Variants in KCTD1 observed in about 807,000 individuals in gnomAD.
KCTD1 encodes potassium channel tetramerization domain containing 1.
A neutral mutation model predicts 66.0 loss-of-function variants in KCTD1; 24 were observed. The observed-to-expected ratio is 0.36, with a 90% CI of 0.26 to 0.51. The LOEUF (loss-of-function observed/expected upper bound fraction) is 0.51, where lower values mean the gene tolerates loss of function less well. Ranked by LOEUF, KCTD1 falls within the 20% of genes least tolerant of loss-of-function variation. KCTD1 has a pLI of 0.95. For synonymous variants in KCTD1, 511 were observed against 517.2 expected (o/e 0.99, Z 0.16); for missense variants, 943 against 1,205.2 (o/e 0.78, Z 3.22).
rs1020988224 is a variant in KCTD1, at chr18:26,587,995, G to A, written c.-16+41152C>T. ...AAATTTAGTGACAAAGCAGCAGCAG[G>A]GTATGAGACAACTGACACCAATTTT... On this transcript the variant is annotated intron_variant, in intron 1 of 4. Coordinates refer to the KCTD1 transcript ENST00000317932. Among the ~76,000 whole-genome samples the A allele has an allele frequency of 7.2e-5, 11 of 152,314 alleles. No homozygotes were observed. The South Asian group carries it at 1.5e-3, about 20-fold the overall frequency.
chr18:26,480,036 T>C (rs1012089199), intron 2 of KCTD1, among the ~76,000 whole-genome samples: 24 of 118,138 alleles, frequency 2.0e-4, no homozygotes, highest in Middle Eastern at 4.9e-3. Flanking sequence ...TGGCTGGTTT[T>C]GGAATTTTTT....
intron 1 of KCTD1, among the ~76,000 whole-genome samples, chr18:26,570,307 T>C (rs1325587228): frequency 6.6e-6 from 1 of 151,736 alleles, no homozygotes; most frequent in Non-Finnish European, 1.5e-5. Flanking sequence ...CATTGGGGGA[T>C]TGTATAACTC....
At chr18:26,657,463 G>C, upstream of KCTD1, 1 of 875,136 alleles carries the variant, frequency 1.1e-6, no homozygotes, top group Non-Finnish European at 1.4e-6. Context: ...CGCCACACCA[G>C]AGAGAAATGC....
At chr18:26,548,997 C>T (rs1185393532), upstream of KCTD1, 7 of 985,218 alleles carry the variant, frequency 7.1e-6, no homozygotes, top group Admixed American at 3.1e-4. Flanking sequence ...GTGCCCCTTC[C>T]ACTGCCCCCT....
chr18:26,576,098 A>T (rs1986219311), intron 1 of KCTD1, among the ~76,000 whole-genome samples: 1 of 152,194 alleles, frequency 6.6e-6, no homozygotes, highest in Non-Finnish European at 1.5e-5. Flanking sequence ...ACACTGCTCC[A>T]TCCGCTTCAG....
chr18:26,547,691 T>C lies in KCTD1; in HGVS notation c.846A>G (p.Gln282=). The part of the protein sequence containing the change: ...EQGAGPVVQK[Q]AITRADLRKL... ...TGCGCAGGTCGGCGCGCGTGATGGC[T>C]TGCTTCTGCACCACCGGCCCGGCGC... is the stretch of plus-strand genomic sequence containing the variant. The change falls in exon 1 of 5, where the codon CAA becomes CAG. Residue 282 remains glutamine (Q), a synonymous_variant. Transcript: ENST00000580059. The C allele has an allele frequency of 6.4e-7, 1 of 1,550,906 alleles. No homozygotes were observed. The highest frequency in any genetic ancestry group is 1.4e-5 in the African/African-American group (1 of 73,174).
intron 1 of KCTD1, among the ~76,000 whole-genome samples, chr18:26,613,540 T>C (rs180861007): frequency 6.6e-6 from 1 of 152,322 alleles, no homozygotes; most frequent in Admixed American, 6.5e-5. Flanking sequence ...GAATCACATT[T>C]TTTGGTTTCA....
chr18:26,559,954 G>A (rs1372669468), intron 1 of KCTD1, among the ~76,000 whole-genome samples: 10 of 152,110 alleles, frequency 6.6e-5, no homozygotes, highest in Admixed American at 5.2e-4. Context: ...ACAAGTTCTC[G>A]GATTTGCATT....
Position 26,540,478 on chromosome 18 carries a change from G to GT in KCTD1, c.1809+6249dup, listed in dbSNP as rs1051127199. ...TGTGCGGGTTCACTTATATGCGAGTGTTTTTCAATGAAAGTCACACCAAGT... is the reference window on the plus strand; with the variant it reads ...TGTGCGGGTTCACTTATATGCGAGTGTTTTTTCAATGAAAGTCACACCAAGT... On this transcript the variant is annotated intron_variant, in intron 1 of 4. Transcript: ENST00000580059. Among the ~76,000 whole-genome samples the GT allele has an allele frequency of 5.5e-4, 83 of 152,274 alleles. 1 individual carries two copies. Among genetic ancestry groups the GT allele is most frequent in the African/African-American group, 1.9e-3 (77 of 41,550 alleles).
chr18:26,580,517 G>A (rs1018206732), intron 1 of KCTD1, among the ~76,000 whole-genome samples: 1 of 152,180 alleles, frequency 6.6e-6, no homozygotes, highest in African/African-American at 2.4e-5. Context: ...CTGCGTTGGT[G>A]TGGAGCCCAA....
intron 1 of KCTD1, among the ~76,000 whole-genome samples, chr18:26,619,849 C>T (rs184156195): frequency 4.1e-4 from 62 of 150,854 alleles, no homozygotes; most frequent in African/African-American, 1.5e-3. Context: ...TCCAAAATGC[C>T]GTTCTTGGGC....
chr18:26,499,873 ACCAGCAAAAAACTT>A (rs1195203579), intron 2 of KCTD1, among the ~76,000 whole-genome samples: 1 of 152,070 alleles, frequency 6.6e-6, no homozygotes, highest in Non-Finnish European at 1.5e-5. Context: ...TCCCCTATCC[ACCAGCAAAAAACTT>A]CCCTTACAGG....
chr18:26,548,300 C>A lies in KCTD1; in HGVS notation c.237G>T (p.Glu79Asp). ...VQITGDEEEE[E>D]DGGGGLEEDE... ...CCTCCTCCAGCCCCCCACCTCCGTC[C>A]TCCTCCTCCTCCTCGTCCCCCGTTA... Residue 79 changes from glutamate to aspartate, a missense_variant, in exon 1 of 5, where the codon GAG becomes GAT. Physicochemically the swap from Glu to Asp is conservative, Grantham distance 45. Around this residue, in one of 10 missense-constraint regions of KCTD1, gnomAD observed 236 missense variants for 206.6 expected, o/e 1.14. Coordinates refer to ENST00000580059, the MANE Select transcript of KCTD1 (RefSeq NM_001142730.3). The A allele has an allele frequency of 8.1e-7, 1 of 1,230,150 alleles. No homozygotes were observed. The highest frequency in any genetic ancestry group is 1.1e-6 in the Non-Finnish European group (1 of 928,554). 76.2% of individuals were successfully genotyped at this position (1,230,150 alleles called of 1,614,324 possible).
intron 2 of KCTD1, among the ~76,000 whole-genome samples, chr18:26,481,206 G>A (rs558945941): frequency 3.9e-5 from 6 of 152,176 alleles, no homozygotes; most frequent in Non-Finnish European, 8.8e-5. Flanking sequence ...AGTCGTCGGG[G>A]CTGGGAGTGT....
At chr18:26,600,248 C>A (rs370850764) in intron 1 of KCTD1, 111 of 1,606,850 alleles carry the variant, frequency 6.9e-5, no homozygotes, top group Non-Finnish European at 8.7e-5. Context: ...CTGGGTGATG[C>A]CTTCCGCTGT....
intron 1 of KCTD1, among the ~76,000 whole-genome samples, chr18:26,598,591 T>A (rs1340958987): frequency 1.3e-5 from 2 of 152,144 alleles, no homozygotes; most frequent in Admixed American, 1.3e-4. Flanking sequence ...CAAAGCAGCT[T>A]CACAAGTTTA....
intron 1 of KCTD1, among the ~76,000 whole-genome samples, chr18:26,607,088 G>A (rs146705405): frequency 5.1e-4 from 77 of 152,262 alleles, no homozygotes; most frequent in African/African-American, 1.6e-3. Context: ...AGGCTAGAGT[G>A]CAGTGGCACA....
intron 1 of KCTD1, chr18:26,591,419 C>G (rs1021447964): frequency 3.3e-5 from 5 of 151,862 alleles, no homozygotes; most frequent in African/African-American, 1.2e-4. Context: ...TACTGAGATA[C>G]AAGATAAAGC....
chr18:26,540,153 A>C (rs531553324), intron 1 of KCTD1, among the ~76,000 whole-genome samples: 2 of 152,328 alleles, frequency 1.3e-5, no homozygotes, highest in South Asian at 4.2e-4. Flanking sequence ...GACTAGGGAC[A>C]TGAAGTAAAA....
Sources: gnomAD v4.1 joint callset for allele counts (sites outside exome capture counted in the v4.1 genomes callset) on GRCh38, gnomAD v4.1.1 for gene constraint, gnomAD v4.1.1 regional missense constraint, MANE v1.5 for transcripts, NCBI Gene and HGNC (gene_info 2026-07-23, HGNC 2026-07-21) for gene names.